Variants in CFAP299 observed in about 807,000 individuals in gnomAD.
CFAP299 encodes cilia- and flagella-associated protein 299.
Under a neutral mutation model 27.0 loss-of-function variants are expected in CFAP299, and 21 were observed. The ratio of observed to expected loss-of-function variants is 0.78; its 90% confidence interval spans 0.55 to 1.12. The LOEUF (loss-of-function observed/expected upper bound fraction) is 1.12, where lower values mean the gene tolerates loss of function less well. CFAP299 is among the 50% of genes most tolerant of loss of function. The pLI is 0.00. For synonymous variants in CFAP299, 104 were observed against 98.1 expected (o/e 1.06, Z -0.36); for missense variants, 310 against 276.6 (o/e 1.12, Z -0.86).
intron 3 of CFAP299, among the ~76,000 whole-genome samples, chr4:80,701,673 A>T (rs775810468): frequency 6.6e-6 from 1 of 151,884 alleles, no homozygotes; most frequent in Non-Finnish European, 1.5e-5. Flanking sequence ...TTCTTACAGC[A>T]GTGTTGGTGG....
In CFAP299 at chr4:80,447,470, T is replaced by C. The variant is rs187366142; in HGVS notation, c.242+84586T>C. The stretch of plus-strand genomic sequence containing the variant: ...TTTTTTAAGACAGAGTCTTGCTCTG[T>C]CACCCAGGATGGAGTGCAGTGGCGT... On this transcript the variant is annotated intron_variant, in intron 2 of 5. Transcript: ENST00000358105. Among the ~76,000 whole-genome samples, 918 of 150,776 alleles carry C rather than the reference T, an allele frequency of 6.1e-3. 20 individuals carry two copies. Among genetic ancestry groups the C allele is most frequent in the African/African-American group, 0.022 (883 of 40,962 alleles).
intron 2 of CFAP299, among the ~76,000 whole-genome samples, chr4:80,410,475 G>C (rs916934065): frequency 6.6e-6 from 1 of 152,142 alleles, no homozygotes; most frequent in South Asian, 2.1e-4. Context: ...TGTATCCAAG[G>C]ATAGAAGCTA....
At chr4:80,528,541 C>G (rs1163230025) in intron 2 of CFAP299, among the ~76,000 whole-genome samples, 1 of 152,064 alleles carries the variant, frequency 6.6e-6, no homozygotes, top group East Asian at 1.9e-4. Flanking sequence ...ACTTGCTTTT[C>G]TTCTCTTATC....
rs746828471 is a variant in CFAP299 at position 80,362,839 on chromosome 4, A to T, written c.197A>T (p.Lys66Ile). The change falls in exon 2 of 6, where the codon AAA becomes ATA. Residue 66 changes from lysine (K) to isoleucine (I), a missense_variant. Lys to Ile is a moderately radical substitution (Grantham distance 102, BLOSUM62 -3). Transcript: ENST00000358105. ...RVKREDFEAR[K>I]AAIEIARLAE... ...AAAAGGGAAGATTTTGAAGCAAGGA[A>T]AGCGGCTATAGAGATTGCAAGACTG... The T allele has an allele frequency of 2.9e-5, 46 of 1,613,156 alleles. 1 individual carries two copies. The South Asian group carries it at 3.8e-4, about 13-fold the overall frequency.
rs140177983 is a variant in CFAP299, at chr4:80,460,519, G to A, written c.242+97635G>A. ...TCTGCTGAATGACAGCACCCAAAAT[G>A]TTCATGAAAGTTGCATGCTGAAGAT... On this transcript the variant is annotated intron_variant, in intron 2 of 5. Coordinates refer to ENST00000358105, the MANE Select transcript of CFAP299 (RefSeq NM_152770.3). 3.5e-3 allele frequency among the ~76,000 whole-genome samples: 534 copies of A among 152,194 alleles called. 1 individual carries two copies. The highest frequency in any genetic ancestry group is 0.012 in the African/African-American group (478 of 41,524).
intron 2 of CFAP299, among the ~76,000 whole-genome samples, chr4:80,475,890 G>A (rs1337488567): frequency 6.6e-6 from 1 of 152,194 alleles, no homozygotes; most frequent in Non-Finnish European, 1.5e-5. Context: ...GAAAGGGACT[G>A]AGAAAAAGAT....
chr4:80,748,544 T>C (rs1724747292), intron 3 of CFAP299, among the ~76,000 whole-genome samples: 1 of 152,184 alleles, frequency 6.6e-6, no homozygotes, highest in Non-Finnish European at 1.5e-5. Flanking sequence ...TTTTATGTTT[T>C]TGACACATAA....
At chr4:80,455,196 AG>A (rs1049718817) in intron 2 of CFAP299, among the ~76,000 whole-genome samples, 21 of 152,306 alleles carry the variant, frequency 1.4e-4, no homozygotes, top group African/African-American at 5.1e-4. Flanking sequence ...CCAGGCAAGA[AG>A]GGGGTTTGTT....
At chr4:80,895,170 C>CCACACA (rs66497721) in intron 4 of CFAP299, among the ~76,000 whole-genome samples, 1,978 of 132,638 alleles carry the variant, frequency 0.015, 18 homozygotes, top group Non-Finnish European at 0.019. Flanking sequence ...AATGTTCTCA[C>CCACACA]CACACACACA....
rs555824976 is a variant in CFAP299, at chr4:80,488,352, G to A, written c.243-94741G>A. Among the ~76,000 whole-genome samples the A allele has an allele frequency of 3.9e-5, 6 of 152,190 alleles. No individual in the cohort carries two copies. The East Asian group carries it at 1.2e-3, about 29-fold the overall frequency. ...ATGAGACTGAACCGTGATTGCAACT[G>A]AGAAATTTTAGGCATCATCAACTTA... On this transcript the variant is annotated intron_variant, in intron 2 of 5. Coordinates refer to ENST00000358105, the MANE Select transcript of CFAP299 (RefSeq NM_152770.3).
intron 2 of CFAP299, among the ~76,000 whole-genome samples, chr4:80,492,786 T>G (rs1731204754): frequency 6.6e-6 from 1 of 152,122 alleles, no homozygotes; most frequent in Non-Finnish European, 1.5e-5. Flanking sequence ...TTATCATGGT[T>G]TCTACAGGAA....
At chr4:80,478,164 G>A (rs1472512021) in intron 2 of CFAP299, among the ~76,000 whole-genome samples, 8 of 152,098 alleles carry the variant, frequency 5.3e-5, no homozygotes, top group African/African-American at 1.4e-4. Flanking sequence ...AAAGGATGTC[G>A]TACCTGGTGT....
At chr4:80,873,513 AT>A (rs1733218561) in intron 4 of CFAP299, among the ~76,000 whole-genome samples, 1 of 152,042 alleles carries the variant, frequency 6.6e-6, no homozygotes, top group Non-Finnish European at 1.5e-5. Context: ...GCAGGTTACA[AT>A]TTCAAGTTCC....
intron 2 of CFAP299, among the ~76,000 whole-genome samples, chr4:80,541,972 T>TG (rs1553932633): frequency 1.4e-5 from 2 of 145,246 alleles, no homozygotes; most frequent in East Asian, 4.0e-4. Flanking sequence ...GTATAATAAT[T>TG]AAAAAAAAAA....
chr4:80,324,826 A>T, the CFAP299 span, among the ~76,000 whole-genome samples: 2 of 152,162 alleles, frequency 1.3e-5, no homozygotes, highest in Non-Finnish European at 2.9e-5. Flanking sequence ...AGGGCGAGGT[A>T]AAAAAAGAAT....
chr4:80,899,830 G>C (rs1734796512), intron 4 of CFAP299, among the ~76,000 whole-genome samples: 1 of 152,180 alleles, frequency 6.6e-6, no homozygotes, highest in Non-Finnish European at 1.5e-5. Context: ...CAGTAAAATG[G>C]AGTTAATAAT....
At position 80,370,968 on chromosome 4, in the gene CFAP299, C is replaced by T. The variant is rs113820002; in HGVS notation, c.242+8084C>T. 3.1e-3 allele frequency among the ~76,000 whole-genome samples: 469 copies of T among 152,372 alleles called. 4 individuals carry two copies. Among genetic ancestry groups the T allele is most frequent in the African/African-American group, 0.01 (435 of 41,590 alleles). ...CTTCCTCACTGCCCTAGAAGAGGTTCTCCATGAGGGTTCTGCCCCTGCCGC... is the reference window on the plus strand; with the variant it reads ...CTTCCTCACTGCCCTAGAAGAGGTTTTCCATGAGGGTTCTGCCCCTGCCGC... On this transcript the variant is annotated intron_variant, in intron 2 of 5. Transcript: ENST00000358105.
At chr4:80,934,998 G>T (rs1736817514) in intron 4 of CFAP299, among the ~76,000 whole-genome samples, 1 of 151,600 alleles carries the variant, frequency 6.6e-6, no homozygotes, top group Admixed American at 6.6e-5. Context: ...CTGAATATAG[G>T]TACTTATCAC....
intron 3 of CFAP299, among the ~76,000 whole-genome samples, chr4:80,641,548 A>T (rs1739728771): frequency 5.3e-5 from 8 of 152,162 alleles, no homozygotes; most frequent in Admixed American, 5.2e-4. Flanking sequence ...TTAGCTGAAG[A>T]TTGCCCTACA....
Sources: gnomAD v4.1 joint callset for allele counts (sites outside exome capture counted in the v4.1 genomes callset) on GRCh38, gnomAD v4.1.1 for gene constraint, MANE v1.5 for transcripts, NCBI Gene and HGNC (gene_info 2026-07-23, HGNC 2026-07-21) for gene names.